ST6GALNAC5: variants seen among roughly 807,000 people sequenced by gnomAD.
The protein encoded by ST6GALNAC5 is ST6 N-acetylgalactosaminide alpha-2,6-sialyltransferase 5, also known as alpha-N-acetylgalactosaminide alpha-2,6-sialyltransferase 5.
ST6GALNAC5 carries 27 observed loss-of-function variants against 33.6 expected under a neutral mutation model. That is an observed-to-expected ratio of 0.80 (90% confidence interval 0.59 to 1.11). The LOEUF is 1.11. ST6GALNAC5 is among the 50% of genes least tolerant of loss of function. The pLI is 0.00. For missense variants in ST6GALNAC5, 428 were observed against 454.0 expected, an observed-to-expected ratio of 0.94 and a Z score of 0.52; for synonymous variants, 194 against 171.2, an observed-to-expected ratio of 1.13 and a Z score of -1.04.
chr1:76,886,145 G>A (rs1412418278), intron 2 of ST6GALNAC5, among the ~76,000 whole-genome samples: 1 of 152,098 alleles, frequency 6.6e-6, no homozygotes, highest in Non-Finnish European at 1.5e-5. Flanking sequence ...TTGACATATT[G>A]TCCTTCCTAA....
intron 2 of ST6GALNAC5, among the ~76,000 whole-genome samples, chr1:76,914,920 GA>G (rs1412951195): frequency 1.3e-5 from 2 of 151,724 alleles, no homozygotes; most frequent in Non-Finnish European, 2.9e-5. Context: ...CAAAATGGGA[GA>G]AAATTTTTGC....
In ST6GALNAC5 at chr1:77,067,348, C is replaced by T. The variant is rs1652813203; in HGVS notation, c.*4142C>T. On this transcript the variant is annotated 3_prime_UTR_variant, in exon 5 of 5. Coordinates refer to ENST00000477717, the MANE Select transcript of ST6GALNAC5 (RefSeq NM_030965.3). ...AAAAAGGCTGAAACCCTGTTTCTTT[C>T]TACTCAGTGCCCTAATATTATATAC... Among the ~76,000 whole-genome samples, 1 of 152,186 alleles carries T rather than the reference C, an allele frequency of 6.6e-6. No homozygotes were observed. Among genetic ancestry groups the T allele is most frequent in the Admixed American group, 6.5e-5 (1 of 15,286 alleles).
At chr1:77,029,341 CA>C (rs1651366160) in intron 2 of ST6GALNAC5, among the ~76,000 whole-genome samples, 1 of 152,092 alleles carries the variant, frequency 6.6e-6, no homozygotes, top group Admixed American at 6.5e-5. Flanking sequence ...TTCACATGGT[CA>C]AAAAAGTGGG....
At chr1:76,872,496 CA>C (rs1653533680) in intron 2 of ST6GALNAC5, among the ~76,000 whole-genome samples, 1 of 152,078 alleles carries the variant, frequency 6.6e-6, no homozygotes, top group African/African-American at 2.4e-5. Flanking sequence ...GTTATTCAGA[CA>C]AATCAAAATT....
intron 2 of ST6GALNAC5, among the ~76,000 whole-genome samples, chr1:76,902,903 A>G (rs968096204): frequency 6.6e-6 from 1 of 152,182 alleles, no homozygotes; most frequent in Non-Finnish European, 1.5e-5. Context: ...TCAAAGATGT[A>G]AATCTAAGAT....
In ST6GALNAC5 at chr1:76,868,752, T is replaced by TGCCCGCCA; in HGVS notation, c.261+17_261+24dup. Reference sequence around the variant, plus strand: ...AGTGGCGGACCACAAGGTGACAGCATGCCCGCCAGCCCGCTCGCCACTCAG... The same window carrying TGCCCGCCA: ...AGTGGCGGACCACAAGGTGACAGCATGCCCGCCAGCCCGCCAGCCCGCTCGCCACTCAG... On this transcript the variant is annotated intron_variant, in intron 2 of 4. Coordinates refer to ENST00000477717, the MANE Select transcript of ST6GALNAC5 (RefSeq NM_030965.3). The surrounding 1 kb of genome is among the most constrained non-coding windows in gnomAD (Gnocchi z 4.3). 1 of 1,484,510 alleles carries TGCCCGCCA rather than the reference T, an allele frequency of 6.7e-7. No homozygotes were observed. Among genetic ancestry groups the TGCCCGCCA allele is most frequent in the Non-Finnish European group, 8.9e-7 (1 of 1,121,496 alleles). 92.0% of individuals were successfully genotyped at this position (1,484,510 alleles called of 1,614,324 possible). A position where few individuals can be genotyped will look rare whatever the true frequency, so the allele number is the denominator to read the frequency against.
At chr1:77,023,475 G>T (rs1382129902) in intron 2 of ST6GALNAC5, among the ~76,000 whole-genome samples, 1 of 152,152 alleles carries the variant, frequency 6.6e-6, no homozygotes, top group Non-Finnish European at 1.5e-5. Context: ...TCCAGCATGG[G>T]TTCCCACTGA....
chr1:77,030,951 T>C (rs371408418), intron 2 of ST6GALNAC5, among the ~76,000 whole-genome samples: 3 of 152,336 alleles, frequency 2.0e-5, no homozygotes, highest in East Asian at 3.9e-4. Flanking sequence ...TGAAGGCAGT[T>C]GTGTCTGGGC....
intron 2 of ST6GALNAC5, among the ~76,000 whole-genome samples, chr1:77,023,604 T>C (rs564216587): frequency 2.0e-5 from 3 of 152,264 alleles, no homozygotes; most frequent in South Asian, 4.1e-4. Flanking sequence ...AGAGCAGAGG[T>C]GAAATCTCGG....
At chr1:76,938,117 G>C (rs1647235523) in intron 2 of ST6GALNAC5, among the ~76,000 whole-genome samples, 1 of 152,056 alleles carries the variant, frequency 6.6e-6, no homozygotes, top group Non-Finnish European at 1.5e-5. Context: ...GTAGAGTTGT[G>C]AGTATAAGAT....
rs547033415 is a variant in ST6GALNAC5, at chr1:77,008,812, G to A, written c.262-35392G>A. Among the ~76,000 whole-genome samples the A allele has an allele frequency of 2.2e-4, 34 of 152,300 alleles. No individual in the cohort carries two copies. The South Asian group carries it at 5.8e-3, about 26-fold the overall frequency. On this transcript the variant is annotated intron_variant, in intron 2 of 4. Transcript: ENST00000477717. ...ACCAAAGTGCTGGGATTACAGGCGT[G>A]AGCCACCATCCCTGGCCTAAAGGCT...
chr1:76,939,290 TTGTGGTCAAAAGGCAGA>T (rs1647269780), intron 2 of ST6GALNAC5, among the ~76,000 whole-genome samples: 1 of 152,094 alleles, frequency 6.6e-6, no homozygotes. Context: ...AACAACATTA[TTGTGGTCAAAAGGCAGA>T]TGTGGTCAAA....
At chr1:77,049,563 G>A (rs1033159963) in intron 3 of ST6GALNAC5, among the ~76,000 whole-genome samples, 3 of 151,990 alleles carry the variant, frequency 2.0e-5, no homozygotes, top group Non-Finnish European at 4.4e-5. Context: ...GAATGGTGGG[G>A]TGCACCAGTT....
At chr1:76,928,272 C>A (rs1036058749) in intron 2 of ST6GALNAC5, among the ~76,000 whole-genome samples, 1 of 152,112 alleles carries the variant, frequency 6.6e-6, no homozygotes, top group Admixed American at 6.6e-5. Flanking sequence ...TTGAATACTG[C>A]ACTTGTATTT....
intron 2 of ST6GALNAC5, among the ~76,000 whole-genome samples, chr1:76,988,827 T>C (rs1255517648): frequency 6.6e-6 from 1 of 152,180 alleles, no homozygotes. Context: ...CCAAACTTAT[T>C]GATTGACTGA....
At chr1:77,029,113 A>T (rs1363927226) in intron 2 of ST6GALNAC5, among the ~76,000 whole-genome samples, 2 of 152,140 alleles carry the variant, frequency 1.3e-5, no homozygotes, top group African/African-American at 4.8e-5. Flanking sequence ...CTCTTTAGGG[A>T]TGAGGGGGTT....
chr1:76,913,713 G>C (rs181223874), intron 2 of ST6GALNAC5, among the ~76,000 whole-genome samples: 1 of 151,820 alleles, frequency 6.6e-6, no homozygotes, highest in Admixed American at 6.6e-5. Flanking sequence ...GATGGCATCG[G>C]CTCCAAACCC....
At chr1:76,997,887 C>T (rs1649996139) in intron 2 of ST6GALNAC5, among the ~76,000 whole-genome samples, 2 of 152,092 alleles carry the variant, frequency 1.3e-5, no homozygotes, top group African/African-American at 2.4e-5. Context: ...GTAATAATTC[C>T]CATGTGTTAA....
intron 2 of ST6GALNAC5, among the ~76,000 whole-genome samples, chr1:76,944,890 G>A (rs1647461979): frequency 6.6e-6 from 1 of 152,108 alleles, no homozygotes; most frequent in East Asian, 1.9e-4. Flanking sequence ...AAAAAAATGT[G>A]TTTTGAGTAA....
Sources: allele counts gnomAD v4.1 joint callset (sites outside exome capture counted in the v4.1 genomes callset), GRCh38; gene constraint gnomAD v4.1.1; non-coding constraint Gnocchi (gnomAD v3.1); transcripts MANE v1.5; gene names NCBI Gene and HGNC (gene_info 2026-07-23, HGNC 2026-07-21).